TMC1: variants seen among roughly 807,000 people sequenced by gnomAD.
TMC1 encodes the protein transmembrane channel like 1, also known as transmembrane channel-like protein 1.
TMC1 carries 84 observed loss-of-function variants against 105.8 expected under a neutral mutation model. The ratio of observed to expected loss-of-function variants is 0.79; its 90% CI spans 0.67 to 0.95. TMC1 has a LOEUF of 0.95. TMC1 is among the 40% of genes least tolerant of loss of function. The pLI is 0.00. For missense variants in TMC1, 817 were observed against 914.1 expected (o/e 0.89, Z 1.37); for synonymous variants, 315 against 311.5 (o/e 1.01, Z -0.12).
chr9:72,694,802 T>A, intron 7 of TMC1, 88 bp downstream of exon 7: 1 of 1,343,064 alleles, frequency 7.4e-7, no homozygotes, highest in Non-Finnish European at 1.0e-6. Flanking sequence ...AATTGGTAAT[T>A]AAAGCTACTT....
intron 1 of TMC1, among the ~76,000 whole-genome samples, chr9:72,524,168 C>T (rs889718289): frequency 3.3e-5 from 5 of 152,056 alleles, no homozygotes; most frequent in African/African-American, 1.2e-4. Context: ...TTAGATATGT[C>T]GTTTTTTTCT....
At chr9:72,659,793 G>A (rs186918873) in intron 5 of TMC1, among the ~76,000 whole-genome samples, 71 of 152,252 alleles carry the variant, frequency 4.7e-4, no homozygotes, top group African/African-American at 1.6e-3. Flanking sequence ...AAGGTAACTC[G>A]TTAGAACTTT....
intron 6 of TMC1, among the ~76,000 whole-genome samples, chr9:72,690,303 C>T (rs144970582): frequency 9.3e-4 from 142 of 152,054 alleles, no homozygotes; most frequent in African/African-American, 3.1e-3. Flanking sequence ...CATCCATTAA[C>T]GTATTTTTAT....
intron 4 of TMC1, among the ~76,000 whole-genome samples, chr9:72,638,048 G>C (rs1200055630): frequency 6.6e-6 from 1 of 151,806 alleles, no homozygotes; most frequent in Non-Finnish European, 1.5e-5. Context: ...AAGCCGTGTA[G>C]ATATTGATCA....
At chr9:72,695,840 C>T (rs1826541299) in intron 7 of TMC1, among the ~76,000 whole-genome samples, 1 of 152,134 alleles carries the variant, frequency 6.6e-6, no homozygotes. Flanking sequence ...CTTTTGAATA[C>T]CAAGACAAAA....
At chr9:72,528,239 C>A (rs977555672) in intron 1 of TMC1, among the ~76,000 whole-genome samples, 4 of 152,194 alleles carry the variant, frequency 2.6e-5, no homozygotes, top group African/African-American at 9.6e-5. Context: ...GGGTCCCTCA[C>A]CAGACACCAA....
chr9:72,578,606 T>A (rs898302669), intron 2 of TMC1, among the ~76,000 whole-genome samples: 6 of 152,300 alleles, frequency 3.9e-5, no homozygotes, highest in African/African-American at 1.2e-4. Context: ...GACTGTTTTC[T>A]ATGGAGTGTG....
chr9:72,799,892 C>A (rs1243122562), intron 17 of TMC1, among the ~76,000 whole-genome samples: 12 of 151,976 alleles, frequency 7.9e-5, no homozygotes, highest in African/African-American at 2.7e-4. Context: ...TCATAAGGAT[C>A]TTTATAAGCA....
intron 1 of TMC1, among the ~76,000 whole-genome samples, chr9:72,538,806 C>T (rs999418055): frequency 2.6e-5 from 4 of 152,048 alleles, no homozygotes; most frequent in African/African-American, 7.2e-5. Context: ...ATATCAGAGT[C>T]GGGTTCAAAT....
intron 20 of TMC1, among the ~76,000 whole-genome samples, chr9:72,826,175 T>C (rs1455997478): frequency 6.6e-6 from 1 of 152,194 alleles, no homozygotes; most frequent in Non-Finnish European, 1.5e-5. Context: ...GTAATGAATA[T>C]TTTGAATATT....
chr9:72,783,581 A>T lies in TMC1; in HGVS notation c.885-4758A>T, dbSNP rs371539118. ...TCTTCCCCTCCCAGTCCACTGACTC[A>T]ACTGTCAGTCTCCTCTGGCAACACC... On this transcript the variant is annotated intron_variant, in intron 13 of 23. Transcript: ENST00000297784. Among the ~76,000 whole-genome samples, 11 of 152,298 alleles carry T rather than the reference A, an allele frequency of 7.2e-5. 1 individual carries two copies. The highest frequency in any genetic ancestry group is 2.4e-4 in the African/African-American group (10 of 41,572).
chr9:72,712,672 G>C (rs2117914352), intron 8 of TMC1, among the ~76,000 whole-genome samples: 1 of 152,290 alleles, frequency 6.6e-6, no homozygotes, highest in Admixed American at 6.5e-5. Context: ...TTTGGGCTGA[G>C]ACAATGGGGT....
intron 4 of TMC1, among the ~76,000 whole-genome samples, chr9:72,635,359 G>A (rs1226617216): frequency 6.6e-6 from 1 of 152,128 alleles, no homozygotes. Flanking sequence ...CTGGAGGTTG[G>A]GCTGAAAGTT....
At chr9:72,807,302 G>A (rs1048718649) in intron 18 of TMC1, among the ~76,000 whole-genome samples, 1 of 152,148 alleles carries the variant, frequency 6.6e-6, no homozygotes, top group East Asian at 1.9e-4. Flanking sequence ...GCGCTTATAA[G>A]GTTTTTCCTT....
intron 5 of TMC1, among the ~76,000 whole-genome samples, chr9:72,669,489 T>C (rs1826095128): frequency 6.6e-6 from 1 of 152,214 alleles, no homozygotes; most frequent in Non-Finnish European, 1.5e-5. Flanking sequence ...AACTTTATAA[T>C]CTGTAGAATT....
chr9:72,622,199 C>T (rs993654318), intron 3 of TMC1, among the ~76,000 whole-genome samples: 1 of 152,228 alleles, frequency 6.6e-6, no homozygotes, highest in African/African-American at 2.4e-5. Flanking sequence ...CCTGTCCATA[C>T]CCTCCAGCAA....
chr9:72,532,537 G>A (rs1408583210), intron 1 of TMC1, among the ~76,000 whole-genome samples: 1 of 73,266 alleles, frequency 1.4e-5, no homozygotes, highest in Non-Finnish European at 2.4e-5. Context: ...GCGAGACTCC[G>A]TCTCAAAAAA....
At chr9:72,811,208 G>A (rs1354985763) in intron 18 of TMC1, among the ~76,000 whole-genome samples, 1 of 152,084 alleles carries the variant, frequency 6.6e-6, no homozygotes, top group Non-Finnish European at 1.5e-5. Context: ...TTTCTGTACT[G>A]GCTCTATCTG....
intron 1 of TMC1, among the ~76,000 whole-genome samples, chr9:72,530,740 T>C (rs1459271535): frequency 2.0e-5 from 3 of 152,054 alleles, no homozygotes; most frequent in Non-Finnish European, 4.4e-5. Context: ...TCTAGTATTA[T>C]AATTTGTTTA....
Sources: allele counts gnomAD v4.1 joint callset (sites outside exome capture counted in the v4.1 genomes callset), GRCh38; gene constraint gnomAD v4.1.1; transcripts MANE v1.5; gene names NCBI Gene and HGNC (gene_info 2026-07-23, HGNC 2026-07-21).